The following CDH12 variants were observed in gnomAD, a reference collection of about 807,000 sequenced individuals.
CDH12 encodes the protein cadherin 12, also known as cadherin-12.
A neutral mutation model predicts 74.1 loss-of-function variants in CDH12; 41 were observed. The observed-to-expected ratio is 0.55, with a 90% CI of 0.43 to 0.72. The LOEUF is 0.72. CDH12 is among the 30% of genes least tolerant of loss of function. The pLI is 0.00. For missense variants in CDH12, 945 were observed against 977.2 expected (o/e 0.97, Z 0.44); for synonymous variants, 399 against 355.0 (o/e 1.12, Z -1.39).
At chr5:21,927,432 A>AT (rs1450486998) in intron 6 of CDH12, among the ~76,000 whole-genome samples, 8 of 151,272 alleles carry the variant, frequency 5.3e-5, no homozygotes, top group Admixed American at 6.6e-5. Flanking sequence ...AAAAATAAAA[A>AT]AAAAAATTAG....
At chr5:22,358,234 C>G (rs998297203) in intron 3 of CDH12, among the ~76,000 whole-genome samples, 3 of 152,044 alleles carry the variant, frequency 2.0e-5, no homozygotes, top group African/African-American at 7.2e-5. Context: ...CATGACAAAA[C>G]CCCATCTCTA....
chr5:21,993,372 A>G (rs913649250), intron 5 of CDH12, among the ~76,000 whole-genome samples: 1 of 152,186 alleles, frequency 6.6e-6, no homozygotes, highest in Non-Finnish European at 1.5e-5. Context: ...ATGCTATGTC[A>G]TATGACACAG....
Position 22,149,411 on chromosome 5 carries a change from C to T in CDH12, c.-187+63087G>A, listed in dbSNP as rs181315261. Reference sequence around the variant, plus strand: ...GCCTGCCATGGTCTTTACCGTAATGCTTCAATTTATTTTGCTTGAGTTGTC... The same window carrying T: ...GCCTGCCATGGTCTTTACCGTAATGTTTCAATTTATTTTGCTTGAGTTGTC... On this transcript the variant is annotated intron_variant, in intron 4 of 14. Coordinates refer to ENST00000382254, the MANE Select transcript of CDH12 (RefSeq NM_004061.5). Among the ~76,000 whole-genome samples the T allele has an allele frequency of 5.3e-3, 808 of 152,246 alleles. 3 individuals carry two copies. The highest frequency in any genetic ancestry group is 7.9e-3 in the Non-Finnish European group (538 of 68,022).
At chr5:21,839,069 T>C (rs1412592330) in intron 8 of CDH12, among the ~76,000 whole-genome samples, 1 of 152,202 alleles carries the variant, frequency 6.6e-6, no homozygotes, top group Non-Finnish European at 1.5e-5. Context: ...ACAATGCCAC[T>C]TTTTATGTAC....
intron 1 of CDH12, among the ~76,000 whole-genome samples, chr5:22,842,731 T>C (rs985905042): frequency 6.6e-6 from 1 of 152,128 alleles, no homozygotes; most frequent in Non-Finnish European, 1.5e-5. Flanking sequence ...ATGAAAGTAT[T>C]TCCAGAAACA....
intron 1 of CDH12, among the ~76,000 whole-genome samples, chr5:22,765,123 G>A (rs1202300523): frequency 6.6e-6 from 1 of 151,802 alleles, no homozygotes; most frequent in East Asian, 1.9e-4. Flanking sequence ...ATTAAACAAT[G>A]TGCACGTTTC....
chr5:22,465,541 G>C (rs1257349992), intron 2 of CDH12, among the ~76,000 whole-genome samples: 2 of 152,146 alleles, frequency 1.3e-5, no homozygotes, highest in Non-Finnish European at 2.9e-5. Flanking sequence ...AGCTACTTGG[G>C]AGGCTAAGGT....
intron 10 of CDH12, among the ~76,000 whole-genome samples, chr5:21,798,253 GT>G (rs1202531649): frequency 7.7e-4 from 15 of 19,536 alleles, no homozygotes; most frequent in Admixed American, 7.4e-3. Flanking sequence ...ATGTGGATGT[GT>G]GTGTGTGTGT....
At chr5:22,408,629 G>T (rs559837002) in intron 2 of CDH12, among the ~76,000 whole-genome samples, 1 of 150,026 alleles carries the variant, frequency 6.7e-6, no homozygotes, top group Non-Finnish European at 1.5e-5. Flanking sequence ...TACATATATA[G>T]TACACATGCA....
At position 22,277,342 on chromosome 5, in the gene CDH12, T is replaced by C. The variant is rs574120199; in HGVS notation, c.-332-64699A>G. 2.0e-5 allele frequency among the ~76,000 whole-genome samples: 3 copies of C among 152,278 alleles called. No individual in the cohort carries two copies. The South Asian group carries it at 6.2e-4, about 32-fold the overall frequency. On this transcript the variant is annotated intron_variant, in intron 3 of 14. Transcript: ENST00000382254. ...ACCACTCGGGGCTAATACAAGACAC[T>C]TCATCAACCTCTTCTAGAGTGGACT...
intron 3 of CDH12, among the ~76,000 whole-genome samples, chr5:22,384,511 G>A (rs1458750375): frequency 9.0e-6 from 1 of 111,090 alleles, no homozygotes; most frequent in African/African-American, 3.2e-5. Context: ...GGGCCACAGA[G>A]CGAAACTCCG....
intron 3 of CDH12, among the ~76,000 whole-genome samples, chr5:22,331,027 G>A (rs888749775): frequency 1.3e-5 from 2 of 152,112 alleles, no homozygotes; most frequent in Admixed American, 1.3e-4. Context: ...AACTCCCCAT[G>A]GGTTGTTGTT....
chr5:22,085,317 G>A (rs1742995033), intron 4 of CDH12, among the ~76,000 whole-genome samples: 1 of 152,066 alleles, frequency 6.6e-6, no homozygotes, highest in South Asian at 2.1e-4. Context: ...TTATTTAAAT[G>A]GGGAGTGTTT....
At chr5:22,520,148 G>T (rs1736987026) in intron 1 of CDH12, among the ~76,000 whole-genome samples, 1 of 152,078 alleles carries the variant, frequency 6.6e-6, no homozygotes, top group Non-Finnish European at 1.5e-5. Flanking sequence ...AAGCGAGGAA[G>T]AAAAGTTAAC....
At chr5:22,447,190 G>A (rs888776914) in intron 2 of CDH12, among the ~76,000 whole-genome samples, 4 of 152,044 alleles carry the variant, frequency 2.6e-5, no homozygotes, top group East Asian at 1.9e-4. Flanking sequence ...AGTTTCTCAT[G>A]TATTAGCATT....
intron 3 of CDH12, among the ~76,000 whole-genome samples, chr5:22,333,432 T>C (rs1265859097): frequency 4.6e-5 from 7 of 151,952 alleles, no homozygotes; most frequent in African/African-American, 1.5e-4. Context: ...CATGTAACTA[T>C]GTAACAAACC....
rs570444276 is a variant in CDH12 at position 22,056,370 on chromosome 5, T to C, written c.231+22076A>G. ...TGTAATCTATACAAAGTGAGCTTAA[T>C]GAATTCTAGTAATTTTTCCACTTAA... On this transcript the variant is annotated intron_variant, in intron 5 of 14. Transcript: ENST00000382254. Among the ~76,000 whole-genome samples the C allele has an allele frequency of 2.0e-5, 3 of 152,312 alleles. No individual in the cohort carries two copies. In the East Asian group the frequency reaches 5.8e-4, roughly 29 times the overall value.
intron 1 of CDH12, among the ~76,000 whole-genome samples, chr5:22,577,188 A>G (rs1262946594): frequency 6.6e-6 from 1 of 152,122 alleles, no homozygotes; most frequent in African/African-American, 2.4e-5. Context: ...TGTAAAAGCT[A>G]CTCAACCAGT....
intron 6 of CDH12, among the ~76,000 whole-genome samples, chr5:21,880,590 T>TC (rs1410451998): frequency 6.7e-4 from 37 of 55,578 alleles, no homozygotes; most frequent in East Asian, 1.2e-3. Context: ...CTTCCTTCCT[T>TC]CCTTCCTTCC....
Sources: gnomAD v4.1 joint callset for allele counts (sites outside exome capture counted in the v4.1 genomes callset) on GRCh38, gnomAD v4.1.1 for gene constraint, MANE v1.5 for transcripts, NCBI Gene and HGNC (gene_info 2026-07-23, HGNC 2026-07-21) for gene names.